The following GRM7 variants were observed in gnomAD, a reference collection of about 807,000 sequenced individuals.
GRM7 encodes metabotropic glutamate receptor 7.
In GRM7, 35 loss-of-function variants were observed where a neutral mutation model predicts 84.5. That is an observed-to-expected ratio of 0.41 (90% CI 0.32 to 0.55). The LOEUF (loss-of-function observed/expected upper bound fraction) is 0.55. Ranked by LOEUF, GRM7 falls within the 20% of genes least tolerant of loss-of-function variation. The pLI is 0.19. For synonymous variants in GRM7, 487 were observed against 455.1 expected, an observed-to-expected ratio of 1.07 and a Z score of -0.89; for missense variants, 1,003 against 1,194.6, an observed-to-expected ratio of 0.84 and a Z score of 2.36.
At chr3:7,241,226 A>G (rs1697547031) in intron 2 of GRM7, among the ~76,000 whole-genome samples, 1 of 152,190 alleles carries the variant, frequency 6.6e-6, no homozygotes, top group Non-Finnish European at 1.5e-5. Flanking sequence ...TCCTTTGATC[A>G]AAAGCATTTG....
At chr3:7,482,130 G>A (rs1699153935) in intron 7 of GRM7, among the ~76,000 whole-genome samples, 1 of 152,226 alleles carries the variant, frequency 6.6e-6, no homozygotes, top group Non-Finnish European at 1.5e-5. Flanking sequence ...GGAGGTTGCA[G>A]TGAGCCGAGA....
chr3:6,898,681 AT>A (rs941072195), intron 1 of GRM7, among the ~76,000 whole-genome samples: 7 of 151,658 alleles, frequency 4.6e-5, no homozygotes, highest in African/African-American at 1.5e-4. Flanking sequence ...TATTTTGGCT[AT>A]TTTTTTTGGA....
chr3:7,365,489 G>A lies in GRM7; in HGVS notation c.1034-49534G>A, dbSNP rs78228514. ...TCCAGTTCACTGATTATCTCTTTAC[G>A]TATATCCAATCTGATTTTTAATTCT... On this transcript the variant is annotated intron_variant, in intron 4 of 9. Transcript: ENST00000357716. Among the ~76,000 whole-genome samples, 277 of 151,326 alleles carry A rather than the reference G, an allele frequency of 1.8e-3. 6 individuals are homozygous for A. In the East Asian group the frequency reaches 0.042, roughly 23 times the overall value.
At chr3:7,165,523 C>T (rs913036640) in intron 2 of GRM7, among the ~76,000 whole-genome samples, 32 of 152,268 alleles carry the variant, frequency 2.1e-4, no homozygotes, top group African/African-American at 7.7e-4. Context: ...TTTCTGCTTT[C>T]TGTCAGAAAA....
chr3:7,090,479 A>C (rs559191889), intron 1 of GRM7, among the ~76,000 whole-genome samples: 124 of 152,300 alleles, frequency 8.1e-4, no homozygotes, highest in African/African-American at 2.9e-3. Flanking sequence ...ATTCCCACAC[A>C]GTGATGCCAC....
intron 2 of GRM7, among the ~76,000 whole-genome samples, chr3:7,177,779 A>T (rs184008789): frequency 6.6e-6 from 1 of 152,324 alleles, no homozygotes; most frequent in East Asian, 1.9e-4. Flanking sequence ...TGTGCTTAGG[A>T]CGAAGAGCAA....
At chr3:7,503,555 G>T (rs1050179030) in intron 7 of GRM7, among the ~76,000 whole-genome samples, 1 of 152,110 alleles carries the variant, frequency 6.6e-6, no homozygotes, top group African/African-American at 2.4e-5. Context: ...AATCGATTCT[G>T]CTGAAAACAG....
intron 1 of GRM7, among the ~76,000 whole-genome samples, chr3:7,032,137 C>T (rs755795997): frequency 6.6e-5 from 10 of 152,184 alleles, no homozygotes; most frequent in Non-Finnish European, 1.0e-4. Flanking sequence ...GGTAAGCCAG[C>T]TTGTGGAACA....
chr3:7,283,508 A>G (rs1211007008), intron 2 of GRM7, among the ~76,000 whole-genome samples: 1 of 152,134 alleles, frequency 6.6e-6, no homozygotes, highest in Non-Finnish European at 1.5e-5. Context: ...GATTTAATGG[A>G]TATGAAAGAC....
chr3:6,878,060 A>G (rs544721738), intron 1 of GRM7, among the ~76,000 whole-genome samples: 1 of 152,152 alleles, frequency 6.6e-6, no homozygotes, highest in East Asian at 1.9e-4. Flanking sequence ...TAAGACCAAT[A>G]CAGCATGTCC....
At chr3:7,314,161 C>T (rs561037713) in intron 4 of GRM7, among the ~76,000 whole-genome samples, 1 of 152,188 alleles carries the variant, frequency 6.6e-6, no homozygotes, top group African/African-American at 2.4e-5. Context: ...TACCTCAAAG[C>T]TTAAAATCTT....
intron 2 of GRM7, among the ~76,000 whole-genome samples, chr3:7,153,032 A>T (rs1694333267): frequency 6.6e-6 from 1 of 151,956 alleles, no homozygotes; most frequent in African/African-American, 2.4e-5. Context: ...CTTGTCACAG[A>T]TAGATGTGGT....
At chr3:7,647,523 G>A (rs1286831738) in intron 8 of GRM7, among the ~76,000 whole-genome samples, 3 of 152,276 alleles carry the variant, frequency 2.0e-5, no homozygotes, top group African/African-American at 7.2e-5. Flanking sequence ...ATATTGAGGA[G>A]GCTGGAATTT....
intron 9 of GRM7, among the ~76,000 whole-genome samples, chr3:7,692,278 C>T (rs555714148): frequency 5.3e-5 from 8 of 152,168 alleles, no homozygotes; most frequent in East Asian, 1.9e-4. Flanking sequence ...AGCTCCTGGC[C>T]GGCTGGCAAG....
At chr3:7,166,277 C>G (rs1256703701) in intron 2 of GRM7, among the ~76,000 whole-genome samples, 4 of 152,080 alleles carry the variant, frequency 2.6e-5, no homozygotes. Context: ...GAATTCTTTT[C>G]TCTGATCTTA....
chr3:7,043,058 T>C (rs1417368082), intron 1 of GRM7, among the ~76,000 whole-genome samples: 1 of 152,212 alleles, frequency 6.6e-6, no homozygotes, highest in African/African-American at 2.4e-5. Flanking sequence ...TTGAGTACTG[T>C]CTCCAATGCT....
At chr3:7,417,957 C>A (rs1040479251) in intron 5 of GRM7, among the ~76,000 whole-genome samples, 6 of 151,858 alleles carry the variant, frequency 4.0e-5, no homozygotes, top group Non-Finnish European at 8.8e-5. Flanking sequence ...TCTAAAATCA[C>A]AAGAAAATGC....
intron 5 of GRM7, among the ~76,000 whole-genome samples, chr3:7,437,540 A>G (rs947002749): frequency 3.9e-5 from 6 of 152,270 alleles, no homozygotes; most frequent in African/African-American, 1.2e-4. Context: ...ACCCTAAATT[A>G]ATTAAATATA....
Position 7,188,197 on chromosome 3 carries a change from C to T in GRM7, c.736+41529C>T, listed in dbSNP as rs1432436074. On this transcript the variant is annotated intron_variant, in intron 2 of 9. Transcript: ENST00000357716. The surrounding 1 kb of genome is among the most constrained non-coding windows in gnomAD (Gnocchi z 4.2). ...GAGGAATGAAGAGATGCTTTTATTT[C>T]AGAGAATCACTGGCAGCAAGAGGGA... Among the ~76,000 whole-genome samples, 1 of 152,042 alleles carries T rather than the reference C, an allele frequency of 6.6e-6. No individual in the cohort carries two copies. The highest frequency in any genetic ancestry group is 1.5e-5 in the Non-Finnish European group (1 of 68,016).
Sources: gnomAD v4.1 joint callset for allele counts (sites outside exome capture counted in the v4.1 genomes callset) on GRCh38, gnomAD v4.1.1 for gene constraint, Gnocchi (gnomAD v3.1) non-coding constraint, MANE v1.5 for transcripts, NCBI Gene and HGNC (gene_info 2026-07-23, HGNC 2026-07-21) for gene names.